The following ZCCHC7 variants were observed in gnomAD, a reference collection of about 807,000 sequenced individuals.
ZCCHC7 encodes zinc finger CCHC domain-containing protein 7.
Under a neutral mutation model 52.0 loss-of-function variants are expected in ZCCHC7, and 35 were observed. That is an observed-to-expected ratio of 0.67 (90% CI 0.51 to 0.89). The LOEUF (loss-of-function observed/expected upper bound fraction) is 0.89. ZCCHC7 is among the 40% of genes least tolerant of loss of function. The pLI, the probability that ZCCHC7 is intolerant of heterozygous loss-of-function variation, is 0.00. For synonymous variants in ZCCHC7, 217 were observed against 221.5 expected (o/e 0.98, Z 0.18); for missense variants, 574 against 649.1 (o/e 0.88, Z 1.26).
intron 5 of ZCCHC7, among the ~76,000 whole-genome samples, chr9:37,315,492 T>G (rs989637155): frequency 3.9e-5 from 6 of 152,034 alleles, no homozygotes; most frequent in Non-Finnish European, 8.8e-5. Flanking sequence ...AAGCAAATTA[T>G]ATAATAATAA....
At chr9:37,334,314 G>T (rs1830564039) in intron 6 of ZCCHC7, among the ~76,000 whole-genome samples, 2 of 151,844 alleles carry the variant, frequency 1.3e-5, no homozygotes. Context: ...ATTCATTTTG[G>T]TAGTCATGCA....
intron 2 of ZCCHC7, among the ~76,000 whole-genome samples, chr9:37,239,619 C>T (rs1306542811): frequency 6.6e-6 from 1 of 152,120 alleles, no homozygotes. Flanking sequence ...TAGGCCACCA[C>T]ACTGTCATTT....
chr9:37,203,053 A>G (rs1273286883), intron 2 of ZCCHC7, among the ~76,000 whole-genome samples: 2 of 152,348 alleles, frequency 1.3e-5, no homozygotes, highest in Non-Finnish European at 2.9e-5. Context: ...CACAGAAACT[A>G]CAGGGGGCAA....
chr9:37,302,079 A>G, intron 2 of ZCCHC7, 109 bp from the exon 3 acceptor site: 1 of 852,982 alleles, frequency 1.2e-6, no homozygotes, highest in Non-Finnish European at 1.9e-6. Context: ...AACATTTCTC[A>G]GTGTACCTTT....
At chr9:37,238,243 A>G (rs1158944151) in intron 2 of ZCCHC7, among the ~76,000 whole-genome samples, 1 of 152,156 alleles carries the variant, frequency 6.6e-6, no homozygotes, top group African/African-American at 2.4e-5. Flanking sequence ...TTATAATACT[A>G]TTGTAACATT....
chr9:37,159,271 C>G (rs1167351521), intron 2 of ZCCHC7, among the ~76,000 whole-genome samples: 11 of 152,084 alleles, frequency 7.2e-5, no homozygotes. Flanking sequence ...GCTGTGACAA[C>G]ATTTTAATCT....
chr9:37,341,628 G>T (rs1588696520), intron 6 of ZCCHC7, among the ~76,000 whole-genome samples: 1 of 152,188 alleles, frequency 6.6e-6, no homozygotes, highest in East Asian at 1.9e-4. Flanking sequence ...TGGTTGGTTG[G>T]TTGGTCTTTT....
chr9:37,322,888 A>G (rs1230515255), intron 5 of ZCCHC7, among the ~76,000 whole-genome samples: 2 of 152,106 alleles, frequency 1.3e-5, no homozygotes, highest in African/African-American at 2.4e-5. Context: ...ATTGATGCCA[A>G]TATTTCCATT....
chr9:37,200,853 C>T (rs532305072), intron 2 of ZCCHC7, among the ~76,000 whole-genome samples: 88 of 152,346 alleles, frequency 5.8e-4, no homozygotes, highest in African/African-American at 2.0e-3. Context: ...ACCTACTGTT[C>T]ATTAGAAATG....
At chr9:37,176,525 A>G (rs1473380509) in intron 2 of ZCCHC7, among the ~76,000 whole-genome samples, 1 of 152,036 alleles carries the variant, frequency 6.6e-6, no homozygotes, top group African/African-American at 2.4e-5. Flanking sequence ...TGTGGTCTTC[A>G]TGTTGGAATC....
intron 2 of ZCCHC7, among the ~76,000 whole-genome samples, chr9:37,210,411 A>G (rs79667880): frequency 0.043 from 6,542 of 152,246 alleles, 472 homozygotes; most frequent in African/African-American, 0.15. Flanking sequence ...TCACTAAACT[A>G]TATTTAGCCC....
chr9:37,170,872 T>C (rs945141166), intron 2 of ZCCHC7, among the ~76,000 whole-genome samples: 1 of 152,142 alleles, frequency 6.6e-6, no homozygotes, highest in Admixed American at 6.5e-5. Flanking sequence ...TTCCAATGAC[T>C]GTTTGAGGCC....
intron 2 of ZCCHC7, among the ~76,000 whole-genome samples, chr9:37,144,302 G>GTGAA (rs1359426718): frequency 6.6e-5 from 10 of 151,898 alleles, no homozygotes; most frequent in African/African-American, 2.4e-4. Context: ...AGAGGAAGGT[G>GTGAA]TGAATGCTAA....
At chr9:37,203,031 T>A (rs887602592) in intron 2 of ZCCHC7, among the ~76,000 whole-genome samples, 1 of 152,240 alleles carries the variant, frequency 6.6e-6, no homozygotes, top group African/African-American at 2.4e-5. Flanking sequence ...TAGCCCTTGC[T>A]TTTGTTAAAC....
chr9:37,163,616 T>C (rs1821241186), intron 2 of ZCCHC7, among the ~76,000 whole-genome samples: 2 of 152,208 alleles, frequency 1.3e-5, no homozygotes, highest in Non-Finnish European at 2.9e-5. Flanking sequence ...ATTTGCAAAC[T>C]GTCCAGTCTT....
At chr9:37,305,749 T>C (rs1209826975) in intron 5 of ZCCHC7, 35 bp downstream of exon 5, 1 of 1,606,878 alleles carries the variant, frequency 6.2e-7, no homozygotes, top group East Asian at 2.2e-5. Flanking sequence ...TTGTCAGGCT[T>C]TGGAGGGAGT....
chr9:37,169,637 T>G (rs969137515), intron 2 of ZCCHC7, among the ~76,000 whole-genome samples: 12 of 152,232 alleles, frequency 7.9e-5, no homozygotes, highest in African/African-American at 2.7e-4. Context: ...ATCTTTTAAT[T>G]ACTTTTATAA....
chr9:37,165,903 A>C (rs1374185964), intron 2 of ZCCHC7, among the ~76,000 whole-genome samples: 2 of 152,244 alleles, frequency 1.3e-5, no homozygotes, highest in Non-Finnish European at 2.9e-5. Context: ...AACTGAGAAC[A>C]ATGTTAACAT....
rs143640721 is a variant in ZCCHC7, at chr9:37,304,314, G to A, written c.780+1G>A. ...ATCAAAAAACTGCCCCTTACCACGA[G>A]TACGTGAAATATGCTTTGCTTCTTT... is the stretch of plus-strand genomic sequence containing the variant. On this transcript the variant is annotated splice_donor_variant, in intron 4 of 8. Coordinates refer to ENST00000336755, the MANE Select transcript of ZCCHC7 (RefSeq NM_032226.3). LOFTEE classifies it high-confidence loss of function. The A allele has an allele frequency of 1.2e-6, 2 of 1,612,166 alleles. No individual in the cohort carries two copies. The highest frequency in any genetic ancestry group is 4.5e-5 in the East Asian group (2 of 44,838).
Sources: gnomAD v4.1 joint callset for allele counts (sites outside exome capture counted in the v4.1 genomes callset) on GRCh38, gnomAD v4.1.1 for gene constraint, MANE v1.5 for transcripts, NCBI Gene and HGNC (gene_info 2026-07-23, HGNC 2026-07-21) for gene names.